Variants in TMEM117 observed in about 807,000 individuals in gnomAD.
TMEM117 encodes the protein transmembrane protein 117.
A neutral mutation model predicts 52.4 loss-of-function variants in TMEM117; 27 were observed. That is an observed-to-expected ratio of 0.51 (90% CI 0.38 to 0.71). TMEM117 has a LOEUF of 0.71. TMEM117 is among the 30% of genes least tolerant of loss of function. The pLI is 0.00. For missense variants in TMEM117, 556 were observed against 630.5 expected (o/e 0.88, Z 1.26); for synonymous variants, 215 against 206.3 (o/e 1.04, Z -0.36).
At chr12:43,874,548 G>A (rs746401618) in intron 2 of TMEM117, among the ~76,000 whole-genome samples, 5 of 152,086 alleles carry the variant, frequency 3.3e-5, no homozygotes, top group African/African-American at 4.8e-5. Flanking sequence ...CCGAGATTGC[G>A]CCACTGCACT....
In TMEM117 at chr12:44,302,527, T is replaced by A. The variant is rs143697075; in HGVS notation, c.768+2788T>A. The stretch of plus-strand genomic sequence containing the variant: ...CTCTTCATTAAAGTCATGTGATCAC[T>A]TCCTCTTCAGAACTCCTGTAGCACT... On this transcript the variant is annotated intron_variant, in intron 6 of 7. Coordinates refer to ENST00000266534, the MANE Select transcript of TMEM117 (RefSeq NM_032256.3). Among the ~76,000 whole-genome samples, 9 of 152,082 alleles carry A rather than the reference T, an allele frequency of 5.9e-5. No individual in the cohort carries two copies. The East Asian group carries it at 1.6e-3, about 26-fold the overall frequency.
At chr12:44,084,418 A>G (rs1159096890) in intron 3 of TMEM117, among the ~76,000 whole-genome samples, 1 of 152,120 alleles carries the variant, frequency 6.6e-6, no homozygotes, top group Non-Finnish European at 1.5e-5. Context: ...ATAACATACT[A>G]TCGATAAAAA....
intron 3 of TMEM117, among the ~76,000 whole-genome samples, chr12:43,967,195 C>G (rs1190401382): frequency 6.6e-6 from 1 of 151,534 alleles, no homozygotes; most frequent in East Asian, 1.9e-4. Context: ...GGCGCAGTCA[C>G]AGCTCACTAC....
chr12:43,856,015 G>C (rs908396368), intron 2 of TMEM117, among the ~76,000 whole-genome samples: 6 of 152,158 alleles, frequency 3.9e-5, no homozygotes, highest in Admixed American at 6.6e-5. Flanking sequence ...GTTAATTTGA[G>C]ATCTGAATAG....
intron 6 of TMEM117, among the ~76,000 whole-genome samples, chr12:44,327,774 A>G (rs1951215896): frequency 1.3e-5 from 2 of 152,124 alleles, no homozygotes. Context: ...ATTTAGAGTC[A>G]GTCCTTTCAG....
In TMEM117 at chr12:44,259,984, C is replaced by T. The variant is rs531905404; in HGVS notation, c.609-39596C>T. Among the ~76,000 whole-genome samples the T allele has an allele frequency of 7.2e-5, 11 of 152,238 alleles. 1 individual carries two copies. In the South Asian group the frequency reaches 2.3e-3, roughly 32 times the overall value. On this transcript the variant is annotated intron_variant, in intron 5 of 7. Transcript: ENST00000266534. The stretch of plus-strand genomic sequence containing the variant: ...TGGAGATTTATATGATATCTGAGAA[C>T]ATTTAGAACACCATGTGAAACCTCC...
At chr12:44,325,775 G>A (rs908059575) in intron 6 of TMEM117, among the ~76,000 whole-genome samples, 6 of 152,144 alleles carry the variant, frequency 3.9e-5, no homozygotes, top group Admixed American at 2.6e-4. Context: ...TATGTGGTGT[G>A]GAGTGGGTGT....
chr12:43,858,529 G>T (rs1023423139), intron 2 of TMEM117, among the ~76,000 whole-genome samples: 3 of 152,206 alleles, frequency 2.0e-5, no homozygotes, highest in African/African-American at 7.2e-5. Context: ...GAGAAACTCA[G>T]TACAATGCTT....
At chr12:43,835,074 T>C (rs1387331890), upstream of TMEM117, among the ~76,000 whole-genome samples, 1 of 152,208 alleles carries the variant, frequency 6.6e-6, no homozygotes, top group African/African-American at 2.4e-5. Flanking sequence ...TTATATACAC[T>C]AGTGATAACT....
chr12:43,851,505 T>C (rs1048124133), intron 2 of TMEM117, among the ~76,000 whole-genome samples: 7 of 152,194 alleles, frequency 4.6e-5, no homozygotes, highest in Non-Finnish European at 8.8e-5. Flanking sequence ...ATCCTAGCTT[T>C]TGGGGGGATT....
intron 1 of TMEM117, among the ~76,000 whole-genome samples, chr12:43,839,108 T>TAA (rs1943077922): frequency 6.6e-6 from 1 of 152,200 alleles, no homozygotes; most frequent in South Asian, 2.1e-4. Context: ...TTTGAATGTG[T>TAA]CCAGAACCAG....
chr12:44,343,195 T>C (rs1467023465), intron 6 of TMEM117, among the ~76,000 whole-genome samples: 4 of 151,994 alleles, frequency 2.6e-5, no homozygotes, highest in Non-Finnish European at 5.9e-5. Context: ...TCAAGTGATC[T>C]GCCCACCTTG....
rs140496372 is a variant in TMEM117, at chr12:44,263,120, A to G, written c.609-36460A>G. ...CACTTTAAATAGGCTGGTGTTTGAA[A>G]TAGCATTTTCACTTTGAAAAGTTAA... On this transcript the variant is annotated intron_variant, in intron 5 of 7. Transcript: ENST00000266534. Among the ~76,000 whole-genome samples the G allele has an allele frequency of 2.4e-3, 367 of 152,340 alleles. 5 individuals are homozygous for G. The highest frequency in any genetic ancestry group is 8.3e-3 in the African/African-American group (344 of 41,580).
chr12:44,144,620 G>A (rs911998657), intron 4 of TMEM117, among the ~76,000 whole-genome samples: 1 of 152,138 alleles, frequency 6.6e-6, no homozygotes, highest in Admixed American at 6.5e-5. Flanking sequence ...GGAAGCAGTT[G>A]TAGCTTAACT....
At chr12:44,342,640 CAAAA>C (rs1205448518) in intron 6 of TMEM117, among the ~76,000 whole-genome samples, 6 of 84,530 alleles carry the variant, frequency 7.1e-5, no homozygotes, top group Non-Finnish European at 8.5e-5. Flanking sequence ...GCTGATTAGT[CAAAA>C]AAAAAAAAAA....
intron 4 of TMEM117, among the ~76,000 whole-genome samples, chr12:44,151,420 A>G (rs1408032683): frequency 6.7e-6 from 1 of 149,034 alleles, no homozygotes; most frequent in African/African-American, 2.5e-5. Flanking sequence ...CAGGTTTGTT[A>G]CATATGTATA....
At chr12:44,053,712 C>CT (rs1565809095) in intron 3 of TMEM117, among the ~76,000 whole-genome samples, 1 of 152,146 alleles carries the variant, frequency 6.6e-6, no homozygotes, top group South Asian at 2.1e-4. Flanking sequence ...AAAAGACACT[C>CT]TTATCATTAA....
chr12:43,965,868 C>T (rs1302628085), intron 3 of TMEM117, among the ~76,000 whole-genome samples: 1 of 152,096 alleles, frequency 6.6e-6, no homozygotes, highest in African/African-American at 2.4e-5. Flanking sequence ...AGCGTAGTAA[C>T]CAATAGTTAG....
chr12:44,061,182 T>C (rs1947133144), intron 3 of TMEM117, among the ~76,000 whole-genome samples: 2 of 152,170 alleles, frequency 1.3e-5, no homozygotes, highest in Non-Finnish European at 1.5e-5. Flanking sequence ...GCAGAGGACA[T>C]ATATTTTCTG....
Sources: allele counts gnomAD v4.1 joint callset (sites outside exome capture counted in the v4.1 genomes callset), GRCh38; gene constraint gnomAD v4.1.1; transcripts MANE v1.5; gene names NCBI Gene and HGNC (gene_info 2026-07-23, HGNC 2026-07-21).